Variants in MYO5B observed in about 807,000 individuals in gnomAD.
The protein encoded by MYO5B is myosin VB, also known as unconventional myosin-Vb.
MYO5B carries 143 observed loss-of-function variants against 229.3 expected under a neutral mutation model. The observed-to-expected ratio is 0.62, with a 90% CI of 0.54 to 0.72. The LOEUF is 0.72. MYO5B is among the 30% of genes least tolerant of loss of function. MYO5B has a pLI of 0.00. For synonymous variants in MYO5B, 918 were observed against 885.2 expected (o/e 1.04, Z -0.66); for missense variants, 2,321 against 2,331.0 (o/e 1.00, Z 0.09).
chr18:49,849,519 C>A (rs2024172452), intron 32 of MYO5B, 48 bp downstream of exon 32: 2 of 1,361,776 alleles, frequency 1.5e-6, no homozygotes, highest in Non-Finnish European at 1.1e-6. Context: ...ACAGGCGTGG[C>A]CAAGTATACC....
intron 3 of MYO5B, among the ~76,000 whole-genome samples, chr18:50,038,307 T>A (rs144459067): frequency 1.3e-5 from 2 of 152,190 alleles, no homozygotes; most frequent in Admixed American, 6.5e-5. Context: ...GTCTCCGACA[T>A]TGTGTTCCCT....
At chr18:50,019,843 G>C (rs139184546) in intron 4 of MYO5B, among the ~76,000 whole-genome samples, 320 of 152,234 alleles carry the variant, frequency 2.1e-3, no homozygotes, top group African/African-American at 7.3e-3. Flanking sequence ...AAATATCTAA[G>C]GATCCTTCCA....
chr18:50,020,018 C>T (rs941735470), intron 4 of MYO5B, among the ~76,000 whole-genome samples: 1 of 152,124 alleles, frequency 6.6e-6, no homozygotes, highest in African/African-American at 2.4e-5. Flanking sequence ...TTCAACATCA[C>T]ACTCCAGCTC....
At chr18:50,101,362 C>T (rs1365007440) in intron 1 of MYO5B, among the ~76,000 whole-genome samples, 1 of 152,110 alleles carries the variant, frequency 6.6e-6, no homozygotes, top group Non-Finnish European at 1.5e-5. Flanking sequence ...ATCCCTGAGT[C>T]CTGGACCATC....
At chr18:50,122,525 C>A (rs1352588797) in intron 1 of MYO5B, among the ~76,000 whole-genome samples, 1 of 134,838 alleles carries the variant, frequency 7.4e-6, no homozygotes, top group African/African-American at 2.7e-5. Context: ...GCAGGAGAAT[C>A]CCTTAAACCT....
At chr18:50,185,066 G>A (rs1018469363) in intron 1 of MYO5B, among the ~76,000 whole-genome samples, 7 of 151,880 alleles carry the variant, frequency 4.6e-5, no homozygotes, top group Admixed American at 4.6e-4. Context: ...GTGACAGAAT[G>A]AGACCCTGTC....
At chr18:50,103,672 T>G (rs2031697748) in intron 1 of MYO5B, among the ~76,000 whole-genome samples, 1 of 152,090 alleles carries the variant, frequency 6.6e-6, no homozygotes, top group Non-Finnish European at 1.5e-5. Context: ...GCCCAGCAGT[T>G]TGGGGCTGCA....
At chr18:49,866,106 T>C (rs954746453) in intron 27 of MYO5B, among the ~76,000 whole-genome samples, 3 of 152,240 alleles carry the variant, frequency 2.0e-5, no homozygotes, top group African/African-American at 7.2e-5. Context: ...TTTCGCTCTG[T>C]CGCCCAGGCT....
chr18:49,827,709 A>G (rs766659699), intron 39 of MYO5B, among the ~76,000 whole-genome samples: 1 of 152,078 alleles, frequency 6.6e-6, no homozygotes, highest in Non-Finnish European at 1.5e-5. Context: ...CAACATACAC[A>G]TTACAGGAGT....
chr18:49,971,255 G>A (rs927204927), intron 10 of MYO5B, among the ~76,000 whole-genome samples: 7 of 152,224 alleles, frequency 4.6e-5, no homozygotes, highest in African/African-American at 1.7e-4. Context: ...GAGGTGAGTA[G>A]AGAGGGCGAG....
intron 1 of MYO5B, among the ~76,000 whole-genome samples, chr18:50,130,438 C>A (rs1220779262): frequency 6.6e-6 from 1 of 152,192 alleles, no homozygotes; most frequent in Non-Finnish European, 1.5e-5. Context: ...ACCTGTACAA[C>A]CTTGGTAGCT....
intron 13 of MYO5B, among the ~76,000 whole-genome samples, chr18:49,953,953 A>G (rs1248314568): frequency 1.7e-4 from 7 of 41,856 alleles, no homozygotes; most frequent in Admixed American, 4.5e-4. Flanking sequence ...ATATACAGAC[A>G]TGTGTGTGTG....
intron 1 of MYO5B, among the ~76,000 whole-genome samples, chr18:50,072,634 C>A (rs1422253953): frequency 1.3e-5 from 2 of 152,156 alleles, no homozygotes; most frequent in Non-Finnish European, 2.9e-5. Flanking sequence ...GATGACAGCA[C>A]CAGGCACTAT....
intron 1 of MYO5B, among the ~76,000 whole-genome samples, chr18:50,085,975 T>A (rs2031320774): frequency 6.6e-6 from 1 of 151,510 alleles, no homozygotes; most frequent in South Asian, 2.1e-4. Flanking sequence ...AAATGAGGAG[T>A]TAATGGGTGC....
chr18:50,165,336 A>G (rs1328212905), intron 1 of MYO5B, among the ~76,000 whole-genome samples: 1 of 152,138 alleles, frequency 6.6e-6, no homozygotes, highest in African/African-American at 2.4e-5. Flanking sequence ...TAGGAAAACT[A>G]GCCAGGCACG....
chr18:50,050,674 C>T (rs556526092), intron 2 of MYO5B, among the ~76,000 whole-genome samples: 8 of 152,290 alleles, frequency 5.3e-5, no homozygotes, highest in South Asian at 4.2e-4. Flanking sequence ...CTCAGAGAAA[C>T]GCTTCTCCAC....
chr18:49,951,271 T>C (rs191494758), intron 14 of MYO5B, among the ~76,000 whole-genome samples: 1 of 152,326 alleles, frequency 6.6e-6, no homozygotes, highest in Admixed American at 6.5e-5. Context: ...TAGCCATAAC[T>C]ATATGCTAAG....
In MYO5B at chr18:49,992,403, T is replaced by C. The variant is rs747766166; in HGVS notation, c.641A>G (p.Asn214Ser). Residue 214 changes from asparagine to serine, a missense_variant, in exon 6 of 40, where the codon AAT becomes AGT. This residue lies in a region of MYO5B where 2,113 missense variants were observed against 2,044.7 expected (regional missense o/e 1.03). Coordinates refer to ENST00000285039, the MANE Select transcript of MYO5B (RefSeq NM_001080467.3). The part of the protein sequence containing the change: ...EAIGNAKTTR[N>S]DNSSRFGKYI... The stretch of plus-strand genomic sequence containing the variant: ...CTTGCCAAAACGGCTGCTGTTGTCA[T>C]TGCGGGTGGTCTTGGCATTTCCAAT... 5 of 1,614,134 alleles carry C rather than the reference T, an allele frequency of 3.1e-6. No individual in the cohort carries two copies. Among genetic ancestry groups the C allele is most frequent in the Non-Finnish European group, 3.4e-6 (4 of 1,180,006 alleles).
At chr18:49,953,120 C>T (rs376383006) in intron 14 of MYO5B, 140 bp downstream of exon 14, 19 of 753,926 alleles carry the variant, frequency 2.5e-5, no homozygotes, top group African/African-American at 1.4e-4. Context: ...GTTTTCATAC[C>T]GAAATGACCA....
Sources: allele counts gnomAD v4.1 joint callset (sites outside exome capture counted in the v4.1 genomes callset), GRCh38; gene constraint gnomAD v4.1.1; regional missense constraint gnomAD v4.1.1; transcripts MANE v1.5; gene names NCBI Gene and HGNC (gene_info 2026-07-23, HGNC 2026-07-21).